VAV3: variants seen among roughly 807,000 people sequenced by gnomAD.
VAV3 encodes guanine nucleotide exchange factor VAV3.
In VAV3, 94 loss-of-function variants were observed where a neutral mutation model predicts 131.2. That is an observed-to-expected ratio of 0.72 (90% CI 0.61 to 0.85). The LOEUF (loss-of-function observed/expected upper bound fraction) is 0.85, where lower values mean the gene tolerates loss of function less well. VAV3 is among the 40% of genes least tolerant of loss of function. The pLI, the probability that VAV3 is intolerant of heterozygous loss-of-function variation, is 0.00. For missense variants in VAV3, 939 were observed against 1,002.7 expected, an observed-to-expected ratio of 0.94 and a Z score of 0.86; for synonymous variants, 349 against 342.0, an observed-to-expected ratio of 1.02 and a Z score of -0.22.
rs375171450 is a variant in VAV3, at chr1:107,733,607, T to C, written c.1502+15361A>G. Among the ~76,000 whole-genome samples the C allele has an allele frequency of 2.1e-4, 32 of 152,196 alleles. No homozygotes were observed. In the East Asian group the frequency reaches 2.7e-3, roughly 13 times the overall value. Reference sequence around the variant, plus strand: ...TACGTGACTCATACACAAGCTTCGGTAGCCGATTCAATCAAGTGGAAGAAA... The same window carrying C: ...TACGTGACTCATACACAAGCTTCGGCAGCCGATTCAATCAAGTGGAAGAAA... On this transcript the variant is annotated intron_variant, in intron 15 of 26. Transcript: ENST00000370056.
At chr1:107,912,819 T>G (rs888661344) in intron 1 of VAV3, among the ~76,000 whole-genome samples, 1 of 152,174 alleles carries the variant, frequency 6.6e-6, no homozygotes, top group African/African-American at 2.4e-5. Context: ...GCAGATTCCT[T>G]TATGAAAAAG....
intron 2 of VAV3, among the ~76,000 whole-genome samples, chr1:107,839,603 C>T (rs1668608053): frequency 6.6e-6 from 1 of 151,902 alleles, no homozygotes; most frequent in Non-Finnish European, 1.5e-5. Flanking sequence ...TAATCTAAAG[C>T]TTCCACCCTA....
chr1:107,955,394 T>A (rs373161072), intron 1 of VAV3, among the ~76,000 whole-genome samples: 6 of 152,114 alleles, frequency 3.9e-5, no homozygotes, highest in African/African-American at 9.7e-5. Flanking sequence ...ATTTAATCTA[T>A]GCCTATTTAT....
chr1:107,804,303 G>A (rs564513513), intron 2 of VAV3, among the ~76,000 whole-genome samples: 44 of 152,186 alleles, frequency 2.9e-4, no homozygotes, highest in African/African-American at 1.0e-3. Flanking sequence ...TGGTTGCTTT[G>A]TAACTCCGTT....
At chr1:107,907,687 GCT>G (rs146500892) in intron 1 of VAV3, among the ~76,000 whole-genome samples, 60 of 149,166 alleles carry the variant, frequency 4.0e-4, no homozygotes, top group Non-Finnish European at 3.3e-4. Context: ...ACACACACGC[GCT>G]CTCTCTCTCT....
At chr1:107,844,385 TG>T (rs541734304) in intron 2 of VAV3, among the ~76,000 whole-genome samples, 1,785 of 152,272 alleles carry the variant, frequency 0.012, 63 homozygotes, top group Admixed American at 0.071. Context: ...AGCACAAAAC[TG>T]GGTGGCCATT....
chr1:107,695,325 G>C (rs1159874810), intron 17 of VAV3, among the ~76,000 whole-genome samples: 1 of 152,122 alleles, frequency 6.6e-6, no homozygotes, highest in Non-Finnish European at 1.5e-5. Flanking sequence ...ATAAGATTAA[G>C]AGCAGGGAAT....
chr1:107,805,955 G>C (rs576244015), intron 2 of VAV3, among the ~76,000 whole-genome samples: 1 of 152,148 alleles, frequency 6.6e-6, no homozygotes, highest in African/African-American at 2.4e-5. Flanking sequence ...AGGGATACTA[G>C]CAGTGTGGGG....
At chr1:107,940,471 GA>G (rs369380491) in intron 1 of VAV3, among the ~76,000 whole-genome samples, 1 of 152,318 alleles carries the variant, frequency 6.6e-6, no homozygotes, top group Non-Finnish European at 1.5e-5. Context: ...ACATTTGAAA[GA>G]TAGAGAAGGT....
In VAV3 at chr1:107,952,724, T is replaced by A. The variant is rs138305160; in HGVS notation, c.204+11942A>T. On this transcript the variant is annotated intron_variant, in intron 1 of 26. Coordinates refer to ENST00000370056, the MANE Select transcript of VAV3 (RefSeq NM_006113.5). ...AAGGGAAAATATGAAGTAAAACCCG[T>A]ACTGTATAGACTAAAAGCAACACAG... Among the ~76,000 whole-genome samples the A allele has an allele frequency of 4.1e-3, 619 of 152,074 alleles. 2 individuals are homozygous for A. The highest frequency in any genetic ancestry group is 0.017 in the Middle Eastern group (5 of 294).
At chr1:107,940,056 T>C (rs989064098) in intron 1 of VAV3, among the ~76,000 whole-genome samples, 6 of 152,162 alleles carry the variant, frequency 3.9e-5, no homozygotes, top group African/African-American at 1.4e-4. Flanking sequence ...CAATACAAAG[T>C]CCAACAATAT....
At chr1:107,806,349 T>A (rs1367835957) in intron 2 of VAV3, among the ~76,000 whole-genome samples, 1 of 152,040 alleles carries the variant, frequency 6.6e-6, no homozygotes, top group African/African-American at 2.4e-5. Context: ...TAGTCTACCA[T>A]CTGCTTGGAG....
intron 10 of VAV3, among the ~76,000 whole-genome samples, chr1:107,758,817 CCAGA>C (rs576051769): frequency 1.0e-3 from 155 of 152,216 alleles, no homozygotes; most frequent in African/African-American, 3.4e-3. Flanking sequence ...CCACTTTCAC[CCAGA>C]CAACTTATAT....
chr1:107,711,656 TAA>T (rs1403396514), intron 15 of VAV3, among the ~76,000 whole-genome samples: 1 of 152,148 alleles, frequency 6.6e-6, no homozygotes, highest in Admixed American at 6.5e-5. Context: ...TTCTATAAAA[TAA>T]AGTTTTAAAT....
chr1:107,912,953 T>C (rs1037724664), intron 1 of VAV3, among the ~76,000 whole-genome samples: 1 of 152,212 alleles, frequency 6.6e-6, no homozygotes, highest in Non-Finnish European at 1.5e-5. Flanking sequence ...ATCAAGGAAG[T>C]CAACATGCCT....
rs59790141 is a variant in VAV3 at position 107,906,245 on chromosome 1, C to CTTGTTTTGTT, written c.205-31238_205-31229dup. ...CAGAAGCCACAACCCTAAGCCAAGG[C>CTTGTTTTGTT]TTGTTTTGTTTTGTTTTGTTTTGTT... On this transcript the variant is annotated intron_variant, in intron 1 of 26. Transcript: ENST00000370056. 1.4e-3 allele frequency among the ~76,000 whole-genome samples: 216 copies of CTTGTTTTGTT among 152,088 alleles called. 2 individuals are homozygous for CTTGTTTTGTT. Among genetic ancestry groups the CTTGTTTTGTT allele is most frequent in the African/African-American group, 5.0e-3 (208 of 41,394 alleles).
chr1:107,581,429 G>C (rs926338885), intron 25 of VAV3, among the ~76,000 whole-genome samples: 1 of 152,178 alleles, frequency 6.6e-6, no homozygotes, highest in East Asian at 1.9e-4. Flanking sequence ...GAACTATTAA[G>C]AGCACAGTCA....
chr1:107,792,603 T>C (rs6666375), intron 2 of VAV3, among the ~76,000 whole-genome samples: 3,846 of 152,296 alleles, frequency 0.025, 69 homozygotes, highest in Middle Eastern at 0.071. Context: ...GTAAGTTGAG[T>C]CTGTAGCATT....
chr1:107,823,275 T>C (rs186120546), intron 2 of VAV3, among the ~76,000 whole-genome samples: 1 of 152,326 alleles, frequency 6.6e-6, no homozygotes, highest in African/African-American at 2.4e-5. Flanking sequence ...GATTCTTCCA[T>C]TTTCTAAAAT....
Sources: gnomAD v4.1 joint callset for allele counts (sites outside exome capture counted in the v4.1 genomes callset) on GRCh38, gnomAD v4.1.1 for gene constraint, MANE v1.5 for transcripts, NCBI Gene and HGNC (gene_info 2026-07-23, HGNC 2026-07-21) for gene names.